ADAMTS9: variants seen among roughly 807,000 people sequenced by gnomAD.
ADAMTS9 encodes ADAM metallopeptidase with thrombospondin type 1 motif 9, also known as A disintegrin and metalloproteinase with thrombospondin motifs 9.
ADAMTS9 carries 107 observed loss-of-function variants against 257.1 expected under a neutral mutation model. That is an observed-to-expected ratio of 0.42 (90% CI 0.36 to 0.49). ADAMTS9 has a LOEUF of 0.49. ADAMTS9 is among the 20% of genes least tolerant of loss of function. ADAMTS9 has a pLI of 0.03. For synonymous variants in ADAMTS9, 982 were observed against 880.9 expected (o/e 1.11, Z -2.03); for missense variants, 2,353 against 2,469.1 (o/e 0.95, Z 1.00).
In ADAMTS9 at chr3:64,687,427, A is replaced by C; in HGVS notation, c.115+116T>G. On this transcript the variant is annotated intron_variant, in intron 1 of 39. Coordinates refer to ENST00000498707, the MANE Select transcript of ADAMTS9 (RefSeq NM_182920.2). The surrounding 1 kb of genome is among the most constrained non-coding windows in gnomAD (Gnocchi z 4.4). ...GAAGGGAGAGGCTGCAAAGCGGGAG[A>C]TAATTCTTTCTAGGAAAAGGAGAGA... 1.2e-6 allele frequency: 1 copy of C among 855,630 alleles called. No individual in the cohort carries two copies. The highest frequency in any genetic ancestry group is 1.7e-6 in the Non-Finnish European group (1 of 575,236). 53.0% of individuals were successfully genotyped at this position (855,630 alleles called of 1,614,324 possible).
At chr3:64,629,897 C>T (rs1057095703) in intron 16 of ADAMTS9, among the ~76,000 whole-genome samples, 1 of 152,196 alleles carries the variant, frequency 6.6e-6, no homozygotes, top group Non-Finnish European at 1.5e-5. Context: ...ATCTATGCAG[C>T]TTCATGTAGA....
At chr3:64,597,461 G>A (rs2084386935) in intron 26 of ADAMTS9, among the ~76,000 whole-genome samples, 1 of 152,140 alleles carries the variant, frequency 6.6e-6, no homozygotes, top group Non-Finnish European at 1.5e-5. Context: ...TTAAGCTTCT[G>A]TATGAACTCC....
intron 27 of ADAMTS9, 43 bp from the exon 28 acceptor site, chr3:64,594,477 G>A: frequency 6.3e-7 from 1 of 1,592,056 alleles, no homozygotes. Context: ...TTGTCTGAAA[G>A]GCCAATGACA....
At chr3:64,582,182 G>A (rs982890651) in intron 28 of ADAMTS9, among the ~76,000 whole-genome samples, 1 of 152,304 alleles carries the variant, frequency 6.6e-6, no homozygotes, top group Admixed American at 6.5e-5. Flanking sequence ...GAGGAGCAAA[G>A]ATTTGCAGAG....
chr3:64,648,374 T>G (rs1700848344), intron 10 of ADAMTS9, among the ~76,000 whole-genome samples: 1 of 152,134 alleles, frequency 6.6e-6, no homozygotes, highest in Non-Finnish European at 1.5e-5. Context: ...TGTTCATCAC[T>G]TCATCATTTC....
At chr3:64,657,107 G>A (rs184133676) in intron 4 of ADAMTS9, among the ~76,000 whole-genome samples, 2 of 152,104 alleles carry the variant, frequency 1.3e-5, no homozygotes, top group Middle Eastern at 3.4e-3. Flanking sequence ...CTGTATATGC[G>A]AACATGTTTG....
chr3:64,548,596 T>TGG (rs11449006), intron 31 of ADAMTS9, among the ~76,000 whole-genome samples: 3,262 of 150,612 alleles, frequency 0.022, 53 homozygotes, highest in Non-Finnish European at 0.031. Context: ...GCTATTTATG[T>TGG]GGGGGGGAGC....
intron 3 of ADAMTS9, among the ~76,000 whole-genome samples, chr3:64,676,257 G>C (rs1701622833): frequency 6.6e-6 from 1 of 152,146 alleles, no homozygotes; most frequent in Admixed American, 6.5e-5. Flanking sequence ...CCAAAATGTG[G>C]CTTGGCTATT....
chr3:64,593,381 A>G (rs1028106333), intron 28 of ADAMTS9, among the ~76,000 whole-genome samples: 12 of 152,314 alleles, frequency 7.9e-5, no homozygotes, highest in Admixed American at 3.3e-4. Context: ...GATATGACTT[A>G]ATACAATACT....
At chr3:64,537,171 C>T (rs958360309) in intron 37 of ADAMTS9, among the ~76,000 whole-genome samples, 3 of 152,146 alleles carry the variant, frequency 2.0e-5, no homozygotes, top group Non-Finnish European at 4.4e-5. Flanking sequence ...TACAAATTAG[C>T]CTCTCTCAAG....
chr3:64,621,559 T>C (rs1700104535), intron 18 of ADAMTS9, among the ~76,000 whole-genome samples: 1 of 151,988 alleles, frequency 6.6e-6, no homozygotes, highest in South Asian at 2.1e-4. Context: ...GTCAGATGTT[T>C]GAGAACAGCC....
rs773893290 is a variant in ADAMTS9, at chr3:64,621,135, C to A, written c.2792G>T (p.Cys931Phe). 1 of 1,613,520 alleles carries A rather than the reference C, an allele frequency of 6.2e-7. No homozygotes were observed. The highest frequency in any genetic ancestry group is 1.7e-5 in the Admixed American group (1 of 59,980). ...CCACCTCAGGTCACAGTCTGTACCA[C>A]AGGGTTCAGTAATGTGTCCAGGCTG... ...LPQPGHITEP[C>F]GTDCDLRWHV... Residue 931 changes from cysteine (C) to phenylalanine (F), a missense_variant, in exon 19 of 40, where the codon TGT (cysteine) becomes TTT (phenylalanine). Cys to Phe is a radical substitution (Grantham distance 205). Around this residue, in one of 3 missense-constraint regions of ADAMTS9, gnomAD observed 1,402 missense variants for 1,441.4 expected, o/e 0.97. Coordinates refer to ENST00000498707, the MANE Select transcript of ADAMTS9 (RefSeq NM_182920.2).
chr3:64,587,572 A>C (rs1228560670), intron 28 of ADAMTS9: 1 of 152,184 alleles, frequency 6.6e-6, no homozygotes, highest in Non-Finnish European at 1.5e-5. Flanking sequence ...GAGAACATTT[A>C]CATCGCTGCA....
At position 64,628,819 on chromosome 3, in the gene ADAMTS9, C is replaced by A. The variant is rs1239670110; in HGVS notation, c.2389+2636G>T. Among the ~76,000 whole-genome samples, 5 of 152,310 alleles carry A rather than the reference C, an allele frequency of 3.3e-5. No individual in the cohort carries two copies. In the South Asian group the frequency reaches 8.3e-4, roughly 25 times the overall value. Reference sequence around the variant, plus strand: ...GACAGCATTGACAACGGCTGTTCAACAATTCAGCAATCATCTGCTTTGTAC... The same window carrying A: ...GACAGCATTGACAACGGCTGTTCAAAAATTCAGCAATCATCTGCTTTGTAC... On this transcript the variant is annotated intron_variant, in intron 16 of 39. Coordinates refer to ENST00000498707, the MANE Select transcript of ADAMTS9 (RefSeq NM_182920.2).
At chr3:64,685,275 T>C (rs1225557694) in intron 2 of ADAMTS9, 2 of 152,332 alleles carry the variant, frequency 1.3e-5, no homozygotes, top group Non-Finnish European at 2.9e-5. Context: ...GAAGGAAGGA[T>C]GTGCTTGGGA....
chr3:64,572,949 G>C (rs2083730808), intron 28 of ADAMTS9, among the ~76,000 whole-genome samples: 1 of 152,054 alleles, frequency 6.6e-6, no homozygotes, highest in Non-Finnish European at 1.5e-5. Context: ...ATGGTGGCAT[G>C]CACCTGTAGT....
rs1700042492 is a variant in ADAMTS9 at position 64,619,171 on chromosome 3, A to G, written c.2813+1943T>C. Reference sequence around the variant, plus strand: ...ACCATCTGTGCGATCATAGGAGCATACTTAGCACTGTAGGCAGGAGTTCTG... The same window carrying G: ...ACCATCTGTGCGATCATAGGAGCATGCTTAGCACTGTAGGCAGGAGTTCTG... On this transcript the variant is annotated intron_variant, in intron 19 of 39. Transcript: ENST00000498707. Among the ~76,000 whole-genome samples the G allele has an allele frequency of 2.0e-5, 3 of 152,152 alleles. No individual in the cohort carries two copies. The South Asian group carries it at 6.2e-4, about 32-fold the overall frequency.
chr3:64,533,572 C>T (rs183537873), intron 37 of ADAMTS9, among the ~76,000 whole-genome samples: 7 of 152,216 alleles, frequency 4.6e-5, no homozygotes, highest in Non-Finnish European at 8.8e-5. Flanking sequence ...TCACATCCTC[C>T]TGACTTCAAA....
chr3:64,532,440 G>A (rs551942583), intron 38 of ADAMTS9, among the ~76,000 whole-genome samples: 34 of 152,298 alleles, frequency 2.2e-4, no homozygotes, highest in African/African-American at 7.2e-4. Flanking sequence ...TCTACCGAGC[G>A]TGTTCTGCTT....
Sources: allele counts gnomAD v4.1 joint callset (sites outside exome capture counted in the v4.1 genomes callset), GRCh38; gene constraint gnomAD v4.1.1; regional missense constraint gnomAD v4.1.1; non-coding constraint Gnocchi (gnomAD v3.1); transcripts MANE v1.5; gene names NCBI Gene and HGNC (gene_info 2026-07-23, HGNC 2026-07-21).